The following BOP1 variants were observed in gnomAD, a reference collection of about 807,000 sequenced individuals.
The protein encoded by BOP1 is ribosome biogenesis protein BOP1.
A neutral mutation model predicts 82.9 loss-of-function variants in BOP1; 54 were observed. The ratio of observed to expected loss-of-function variants is 0.65; its 90% CI spans 0.52 to 0.82. The LOEUF (loss-of-function observed/expected upper bound fraction) is 0.82, where lower values mean the gene tolerates loss of function less well. BOP1 is among the 40% of genes least tolerant of loss of function. The probability of loss-of-function intolerance (pLI) is 0.00; values close to 1 mark genes in which losing one functional copy is unlikely to be tolerated. For synonymous variants in BOP1, 566 were observed against 451.1 expected (o/e 1.25, Z -3.23); for missense variants, 1,170 against 1,072.0 (o/e 1.09, Z -1.28).
chr8:144,271,775 G>A (rs112872947), intron 3 of BOP1, among the ~76,000 whole-genome samples: 4 of 152,240 alleles, frequency 2.6e-5, no homozygotes, highest in African/African-American at 9.6e-5. Context: ...TGGGGCCCCA[G>A]GCAGGAGGAG....
chr8:144,265,593 G>C (rs1845343582), intron 3 of BOP1: 1 of 161,050 alleles, frequency 6.2e-6, no homozygotes, highest in Admixed American at 6.0e-5. Context: ...ATTCCTGGTT[G>C]CAGCCCCTGC....
chr8:144,264,760 CG>C lies in BOP1; in HGVS notation c.616del (p.Arg206GlyfsTer27). ...ATCCCCAAACTGGCCACTCTGCAGC[CG>C]CCGCACCAGGGCCACCTGCTCATCC... ...LTDEQVALVR[R>X]LQSGQFGDVG... is the part of the protein sequence containing the mutation. On this transcript the variant is annotated frameshift_variant, in exon 5 of 16. Transcript: ENST00000569669. LOFTEE classifies it high-confidence loss of function. 6.3e-7 allele frequency: 1 copy of C among 1,599,870 alleles called. No individual in the cohort carries two copies. Among genetic ancestry groups the C allele is most frequent in the Non-Finnish European group, 8.5e-7 (1 of 1,174,520 alleles).
In BOP1 at chr8:144,264,294, G is replaced by C; in HGVS notation, c.909C>G (p.Pro303=). Residue 303 remains proline (P), a synonymous_variant, in exon 7 of 16, where the codon CCC becomes CCG. Coordinates refer to ENST00000569669, the MANE Select transcript of BOP1 (RefSeq NM_015201.5). ...LGRHKMHVPA[P]KLALPGHAES... Reference sequence around the variant, plus strand: ...CGGCGTGGCCTGGCAGGGCCAGCTTGGGAGCAGGTACGTGCATCTTGTGGC... The same window carrying C: ...CGGCGTGGCCTGGCAGGGCCAGCTTCGGAGCAGGTACGTGCATCTTGTGGC... 1 of 1,611,134 alleles carries C rather than the reference G, an allele frequency of 6.2e-7. No homozygotes were observed. Among genetic ancestry groups the C allele is most frequent in the Non-Finnish European group, 8.5e-7 (1 of 1,179,600 alleles).
chr8:144,286,192 C>A (rs529849761), intron 2 of BOP1, among the ~76,000 whole-genome samples: 16 of 152,334 alleles, frequency 1.1e-4, no homozygotes, highest in African/African-American at 3.4e-4. Flanking sequence ...GCTGAAAGCA[C>A]CCCCACCTCA....
At position 144,289,030 on chromosome 8, in the gene BOP1, C is replaced by A. The variant is rs1814959926; in HGVS notation, c.309+65G>T. The A allele has an allele frequency of 2.5e-6, 4 of 1,571,584 alleles. 1 individual carries two copies. The Middle Eastern group carries it at 5.3e-4, about 209-fold the overall frequency. On this transcript the variant is annotated intron_variant, in intron 2 of 15. Transcript: ENST00000569669. ...GTGGAGAAGGCAGTACAGTGGCAGT[C>A]TCAGAAAGCCCAAGGCCACCTGCAC...
At chr8:144,276,351 C>A in intron 2 of BOP1, 47 bp from the exon 3 acceptor site, 1 of 1,600,200 alleles carries the variant, frequency 6.2e-7, no homozygotes. Context: ...TACAGGGTAC[C>A]CTTTGACCTT....
chr8:144,262,138 A>AC lies in BOP1; in HGVS notation c.*25dup. 1 of 1,611,278 alleles carries AC rather than the reference A, an allele frequency of 6.2e-7. No homozygotes were observed. Reference sequence around the variant, plus strand: ...AGGCTCTGTTGACTTCAGCACGACCACCCCAGCCCCAGGCAGGCAGAACAG... The same window carrying AC: ...AGGCTCTGTTGACTTCAGCACGACCACCCCCAGCCCCAGGCAGGCAGAACAG... On this transcript the variant is annotated 3_prime_UTR_variant, in exon 16 of 16. Coordinates refer to ENST00000569669, the MANE Select transcript of BOP1 (RefSeq NM_015201.5).
At chr8:144,290,030 G>C (rs1814995728) in intron 1 of BOP1, among the ~76,000 whole-genome samples, 1 of 152,186 alleles carries the variant, frequency 6.6e-6, no homozygotes, top group South Asian at 2.1e-4. Context: ...TCCTTCACTG[G>C]CCTTAAAGGG....
chr8:144,278,928 C>T (rs782455937), intron 2 of BOP1, among the ~76,000 whole-genome samples: 1 of 152,208 alleles, frequency 6.6e-6, no homozygotes, highest in Non-Finnish European at 1.5e-5. Flanking sequence ...AAAATACAGC[C>T]GAAAAACATC....
At chr8:144,267,287 C>T (rs1358149778) in intron 3 of BOP1, 2 of 1,279,884 alleles carry the variant, frequency 1.6e-6, no homozygotes, top group African/African-American at 1.6e-5. Context: ...CCCAACAGGG[C>T]ACAGGCAGGC....
intron 3 of BOP1, among the ~76,000 whole-genome samples, chr8:144,273,063 T>G (rs1330289369): frequency 1.6e-4 from 24 of 151,940 alleles, no homozygotes; most frequent in Admixed American, 1.6e-3. Context: ...CCGGGCGCCC[T>G]CCACAAGCAG....
At position 144,262,147 on chromosome 8, in the gene BOP1, C is replaced by CCAGG; in HGVS notation, c.*13_*16dup. 1 of 1,611,918 alleles carries CCAGG rather than the reference C, an allele frequency of 6.2e-7. No individual in the cohort carries two copies. The highest frequency in any genetic ancestry group is 1.1e-5 in the South Asian group (1 of 91,034). On this transcript the variant is annotated 3_prime_UTR_variant, in exon 16 of 16. Coordinates refer to ENST00000569669, the MANE Select transcript of BOP1 (RefSeq NM_015201.5). ...TGACTTCAGCACGACCACCCCAGCC[C>CCAGG]CAGGCAGGCAGAACAGCTAGGTGAA...
rs1588603632 is a variant in BOP1, at chr8:144,280,972, T to TC, written c.310-4669_310-4668insG. ...CCAGGTCTTTGGCCTTCTCTCACTT[T>TC]AATACCAGGTCTTCGGCCTTCTCTC... On this transcript the variant is annotated intron_variant, in intron 2 of 15. Transcript: ENST00000569669. 5.2e-4 allele frequency among the ~76,000 whole-genome samples: 79 copies of TC among 150,950 alleles called. 2 individuals carry two copies. Among genetic ancestry groups the TC allele is most frequent in the South Asian group, 1.9e-3 (9 of 4,758 alleles).
At chr8:144,283,495 TA>T (rs1421338135) in intron 2 of BOP1, among the ~76,000 whole-genome samples, 1 of 152,184 alleles carries the variant, frequency 6.6e-6, no homozygotes, top group Non-Finnish European at 1.5e-5. Context: ...AAATTTTCTG[TA>T]AAAATGGGGT....
chr8:144,274,608 C>T (rs899448347), intron 3 of BOP1, among the ~76,000 whole-genome samples: 18 of 152,220 alleles, frequency 1.2e-4, no homozygotes, highest in African/African-American at 1.7e-4. Context: ...GCAGGAGCAC[C>T]GGGCAGCACC....
intron 3 of BOP1, chr8:144,267,282 C>A: frequency 7.5e-7 from 1 of 1,331,276 alleles, no homozygotes. Flanking sequence ...GGCTCCCCAA[C>A]AGGGCACAGG....
Position 144,264,387 on chromosome 8 carries a change from C to T in BOP1, c.816G>A (p.Arg272=). ...AIKMGWIQPR[R]PRDPTPSFYD... is the part of the protein sequence containing the mutation. Reference sequence around the variant, plus strand: ...AGAAGCTGGGGGTGGGGTCTCGGGGCCGGCGAGGCTGGATCCAGCCCATCT... The same window carrying T: ...AGAAGCTGGGGGTGGGGTCTCGGGGTCGGCGAGGCTGGATCCAGCCCATCT... Residue 272 remains arginine (R), a synonymous_variant, in exon 7 of 16, where the codon CGG becomes CGA. Transcript: ENST00000569669. 1.2e-6 allele frequency: 2 copies of T among 1,602,748 alleles called. No homozygotes were observed. Among genetic ancestry groups the T allele is most frequent in the South Asian group, 1.1e-5 (1 of 91,060 alleles).
At chr8:144,265,388 G>A (rs1299002455) in intron 3 of BOP1, 3 of 511,040 alleles carry the variant, frequency 5.9e-6, no homozygotes, top group African/African-American at 3.8e-5. Flanking sequence ...AGACAGGGAT[G>A]ACCTCATCAC....
At chr8:144,268,772 G>A (rs1845439716) in intron 3 of BOP1, among the ~76,000 whole-genome samples, 2 of 152,208 alleles carry the variant, frequency 1.3e-5, no homozygotes. Flanking sequence ...GGAGGGCGAG[G>A]CACAAGGCAG....
Sources: gnomAD v4.1 joint callset for allele counts (sites outside exome capture counted in the v4.1 genomes callset) on GRCh38, gnomAD v4.1.1 for gene constraint, MANE v1.5 for transcripts, NCBI Gene and HGNC (gene_info 2026-07-23, HGNC 2026-07-21) for gene names.